Variants in PDSS2 observed in about 807,000 individuals in gnomAD.
PDSS2 encodes decaprenyl diphosphate synthase subunit 2.
Under a neutral mutation model 44.5 loss-of-function variants are expected in PDSS2, and 31 were observed. The observed-to-expected ratio is 0.70, with a 90% confidence interval of 0.52 to 0.94. The LOEUF (loss-of-function observed/expected upper bound fraction) is 0.94, where lower values mean the gene tolerates loss of function less well. Ranked by LOEUF, PDSS2 falls within the 40% of genes least tolerant of loss-of-function variation. PDSS2 has a pLI of 0.00. For missense variants in PDSS2, 452 were observed against 482.2 expected (o/e 0.94, Z 0.59); for synonymous variants, 157 against 180.3 (o/e 0.87, Z 1.03).
intron 2 of PDSS2, among the ~76,000 whole-genome samples, chr6:107,322,866 G>T (rs191831581): frequency 6.4e-4 from 98 of 152,164 alleles, no homozygotes; most frequent in African/African-American, 2.2e-3. Context: ...GGGAATGAGG[G>T]AAATCTTAAC....
At chr6:107,242,239 T>G (rs1462401879) in intron 4 of PDSS2, among the ~76,000 whole-genome samples, 3 of 152,144 alleles carry the variant, frequency 2.0e-5, no homozygotes, top group African/African-American at 4.8e-5. Flanking sequence ...TGCATTTTTG[T>G]TTCCATTCTT....
At chr6:107,447,688 A>C (rs1781732642) in intron 1 of PDSS2, among the ~76,000 whole-genome samples, 1 of 152,202 alleles carries the variant, frequency 6.6e-6, no homozygotes, top group African/African-American at 2.4e-5. Context: ...CACATGGTGC[A>C]AGCTGTACGT....
intron 1 of PDSS2, among the ~76,000 whole-genome samples, chr6:107,414,776 A>C (rs1780608194): frequency 6.6e-6 from 1 of 152,246 alleles, no homozygotes; most frequent in Non-Finnish European, 1.5e-5. Context: ...AAAGGATAAC[A>C]CATAGCATTT....
At chr6:107,249,233 C>A (rs1303766648) in intron 3 of PDSS2, among the ~76,000 whole-genome samples, 1 of 152,204 alleles carries the variant, frequency 6.6e-6, no homozygotes, top group Admixed American at 6.5e-5. Context: ...ACTTATTCTT[C>A]TTCCATACTG....
chr6:107,344,138 C>A (rs1778165756), intron 1 of PDSS2, among the ~76,000 whole-genome samples: 1 of 152,100 alleles, frequency 6.6e-6, no homozygotes, highest in African/African-American at 2.4e-5. Flanking sequence ...CTTTTAATTT[C>A]TCTGAGATTT....
intron 6 of PDSS2, among the ~76,000 whole-genome samples, chr6:107,205,039 A>G (rs1306225227): frequency 1.3e-5 from 2 of 152,224 alleles, no homozygotes; most frequent in African/African-American, 4.8e-5. Flanking sequence ...AAAATGTCTT[A>G]AAGAACTAGA....
chr6:107,274,907 A>T (rs1045635127), intron 2 of PDSS2, among the ~76,000 whole-genome samples: 3 of 152,168 alleles, frequency 2.0e-5, no homozygotes, highest in African/African-American at 7.2e-5. Flanking sequence ...TCCTGAGCTC[A>T]GGTGATCTAC....
intron 1 of PDSS2, among the ~76,000 whole-genome samples, chr6:107,383,298 CAAAAAAAAAA>C (rs35910650): frequency 9.5e-4 from 27 of 28,438 alleles, no homozygotes; most frequent in Admixed American, 3.0e-3. Flanking sequence ...GACTCCATCT[CAAAAAAAAAA>C]AAAAAAAAAA....
intron 1 of PDSS2, among the ~76,000 whole-genome samples, chr6:107,340,015 C>T (rs1778031070): frequency 6.7e-6 from 1 of 149,712 alleles, no homozygotes; most frequent in South Asian, 2.1e-4. Flanking sequence ...ATGAGGAACC[C>T]AATTAGGAAA....
chr6:107,372,656 A>G (rs907531615), intron 1 of PDSS2, among the ~76,000 whole-genome samples: 2 of 152,080 alleles, frequency 1.3e-5, no homozygotes, highest in South Asian at 4.2e-4. Context: ...GTTTCACCGT[A>G]TTAGCCAGGA....
intron 2 of PDSS2, among the ~76,000 whole-genome samples, chr6:107,303,096 T>G (rs1467607029): frequency 1.3e-5 from 2 of 152,156 alleles, no homozygotes; most frequent in Non-Finnish European, 1.5e-5. Flanking sequence ...AATCCAAGGT[T>G]GAGGGGTTGG....
At chr6:107,310,041 T>C (rs1456279257) in intron 2 of PDSS2, among the ~76,000 whole-genome samples, 2 of 152,104 alleles carry the variant, frequency 1.3e-5, no homozygotes, top group African/African-American at 2.4e-5. Context: ...ATCCCAGCAC[T>C]TCAGGAGGCT....
chr6:107,359,714 A>T (rs1438917778), intron 1 of PDSS2, among the ~76,000 whole-genome samples: 1 of 151,952 alleles, frequency 6.6e-6, no homozygotes, highest in Non-Finnish European at 1.5e-5. Context: ...AAATAAAATC[A>T]CATATTCAAT....
chr6:107,394,133 G>A (rs1035599416), intron 1 of PDSS2, among the ~76,000 whole-genome samples: 1 of 151,916 alleles, frequency 6.6e-6, no homozygotes. Context: ...CTCGTTTCCT[G>A]CCTTCTTCTG....
chr6:107,344,688 G>T (rs1213640128), intron 1 of PDSS2, among the ~76,000 whole-genome samples: 1 of 152,170 alleles, frequency 6.6e-6, no homozygotes, highest in African/African-American at 2.4e-5. Context: ...TGCAGGGGTT[G>T]TTGAGCAGGG....
At chr6:107,186,417 C>T (rs77016900) in intron 7 of PDSS2, among the ~76,000 whole-genome samples, 1,604 of 152,130 alleles carry the variant, frequency 0.011, 31 homozygotes, top group African/African-American at 0.037. Flanking sequence ...CATCTGAAAC[C>T]GACAAAATTG....
intron 4 of PDSS2, among the ~76,000 whole-genome samples, chr6:107,216,997 A>G (rs1396820237): frequency 1.3e-5 from 2 of 152,208 alleles, no homozygotes; most frequent in Non-Finnish European, 1.5e-5. Context: ...TGGTGCTGGT[A>G]CAACTAAAGA....
At chr6:107,229,954 G>A (rs969028013) in intron 4 of PDSS2, 10 of 214,150 alleles carry the variant, frequency 4.7e-5, no homozygotes, top group Non-Finnish European at 7.9e-5. Flanking sequence ...CATTGGTGGC[G>A]GCAAGAAAAC....
chr6:107,290,673 G>A (rs1219707066), intron 2 of PDSS2, among the ~76,000 whole-genome samples: 1 of 151,978 alleles, frequency 6.6e-6, no homozygotes, highest in Non-Finnish European at 1.5e-5. Context: ...GACTGCACTC[G>A]GCTTATGTAT....
Sources: gnomAD v4.1 joint callset for allele counts (sites outside exome capture counted in the v4.1 genomes callset) on GRCh38, gnomAD v4.1.1 for gene constraint, MANE v1.5 for transcripts, NCBI Gene and HGNC (gene_info 2026-07-23, HGNC 2026-07-21) for gene names.